Variants in TENM3 observed in about 807,000 individuals in gnomAD.
The protein encoded by TENM3 is teneurin-3.
A neutral mutation model predicts 255.1 loss-of-function variants in TENM3; 63 were observed. The observed-to-expected ratio is 0.25, with a 90% CI of 0.20 to 0.30. The LOEUF is 0.30. Ranked by LOEUF, TENM3 falls within the 10% of genes least tolerant of loss-of-function variation. The pLI is 1.00. For synonymous variants in TENM3, 1,306 were observed against 1,322.3 expected (o/e 0.99, Z 0.27); for missense variants, 2,929 against 3,461.1 (o/e 0.85, Z 3.86).
chr4:182,242,489 G>T (rs62354182), upstream of TENM3, among the ~76,000 whole-genome samples: 1 of 151,952 alleles, frequency 6.6e-6, no homozygotes, highest in African/African-American at 2.4e-5. Flanking sequence ...GGCCCAGCAC[G>T]GTGGCTCATG....
the TENM3 span, among the ~76,000 whole-genome samples, chr4:181,938,737 T>A: frequency 2.0e-5 from 3 of 152,206 alleles, no homozygotes; most frequent in African/African-American, 7.2e-5. Flanking sequence ...GAGAATTAGG[T>A]ACACAATTTG....
chr4:181,792,256 C>T, the TENM3 span, among the ~76,000 whole-genome samples: 10 of 152,120 alleles, frequency 6.6e-5, no homozygotes, highest in Admixed American at 2.6e-4. Flanking sequence ...AAAAATATCT[C>T]GACTGCTTGT....
chr4:181,876,671 T>G, the TENM3 span, among the ~76,000 whole-genome samples: 12 of 152,198 alleles, frequency 7.9e-5, no homozygotes, highest in Non-Finnish European at 1.5e-4. Flanking sequence ...TTTCATCAGC[T>G]GCCGGAAGGA....
the TENM3 span, among the ~76,000 whole-genome samples, chr4:181,493,478 C>A: frequency 6.6e-6 from 1 of 152,050 alleles, no homozygotes; most frequent in Non-Finnish European, 1.5e-5. Context: ...AACCTGTAAT[C>A]CCAGCACTTT....
chr4:182,318,866 C>T (rs1228307184), intron 1 of TENM3, among the ~76,000 whole-genome samples: 1 of 152,136 alleles, frequency 6.6e-6, no homozygotes, highest in African/African-American at 2.4e-5. Context: ...GTCCTGGGCT[C>T]AAGCGATCCC....
intron 3 of TENM3, among the ~76,000 whole-genome samples, chr4:182,415,037 T>C (rs1266755664): frequency 6.6e-6 from 1 of 152,248 alleles, no homozygotes; most frequent in African/African-American, 2.4e-5. Flanking sequence ...TTTTCCACCT[T>C]GAACACTAAT....
chr4:181,720,067 C>T, the TENM3 span, among the ~76,000 whole-genome samples: 1 of 152,178 alleles, frequency 6.6e-6, no homozygotes, highest in African/African-American at 2.4e-5. Context: ...CTTTGTGAAG[C>T]TGGATCATAT....
intron 13 of TENM3, among the ~76,000 whole-genome samples, chr4:182,726,335 C>T (rs1381579074): frequency 3.6e-5 from 4 of 111,144 alleles, no homozygotes; most frequent in Admixed American, 9.0e-5. Context: ...AAAGGGAATA[C>T]GTTTCTATAA....
intron 22 of TENM3, among the ~76,000 whole-genome samples, chr4:182,763,878 AT>A (rs566778629): frequency 2.6e-5 from 4 of 152,314 alleles, no homozygotes; most frequent in African/African-American, 9.6e-5. Flanking sequence ...ATGCCCAGGA[AT>A]TTATCTTTAT....
the TENM3 span, chr4:182,079,861 A>T: frequency 6.6e-6 from 1 of 152,300 alleles, no homozygotes; most frequent in Non-Finnish European, 1.5e-5. Context: ...ATGTCACTTC[A>T]CCTTTTACCC....
rs768822342 is a variant in TENM3 at position 182,346,992 on chromosome 4, C to CCG, written c.511+66_511+67dup. 1.2e-4 allele frequency: 121 copies of CCG among 1,010,440 alleles called. 4 individuals are homozygous for CCG. The highest frequency in any genetic ancestry group is 1.5e-4 in the Non-Finnish European group (115 of 776,182). 62.6% of individuals were successfully genotyped at this position (1,010,440 alleles called of 1,614,324 possible). On this transcript the variant is annotated intron_variant, in intron 3 of 27. Transcript: ENST00000511685. Reference sequence around the variant, plus strand: ...GTGCTTCTGTCTGTTTTGGTTGACTCCGCGGGGGGGGATGTTTTTCTTTCT... The same window carrying CCG: ...GTGCTTCTGTCTGTTTTGGTTGACTCCGCGCGGGGGGGGATGTTTTTCTTTCT...
At chr4:181,867,441 C>A in the TENM3 span, among the ~76,000 whole-genome samples, 5 of 152,146 alleles carry the variant, frequency 3.3e-5, no homozygotes, top group Non-Finnish European at 5.9e-5. Flanking sequence ...TTGGAAGTCA[C>A]CTCTTCTGCC....
At chr4:181,678,434 G>A in the TENM3 span, among the ~76,000 whole-genome samples, 5 of 152,038 alleles carry the variant, frequency 3.3e-5, no homozygotes, top group African/African-American at 9.6e-5. Context: ...GAGGCAACGG[G>A]GAAGGCAAGA....
chr4:181,701,199 A>G, the TENM3 span, among the ~76,000 whole-genome samples: 2 of 152,218 alleles, frequency 1.3e-5, no homozygotes, highest in African/African-American at 2.4e-5. Context: ...TCTCCCACCA[A>G]GGAGACTGGC....
At chr4:182,015,876 C>T in the TENM3 span, among the ~76,000 whole-genome samples, 1 of 152,174 alleles carries the variant, frequency 6.6e-6, no homozygotes, top group Non-Finnish European at 1.5e-5. Flanking sequence ...TGACCCTCCT[C>T]ATCGTACTTT....
intron 3 of TENM3, among the ~76,000 whole-genome samples, chr4:182,555,339 A>T (rs559892404): frequency 1.6e-4 from 24 of 152,294 alleles, no homozygotes; most frequent in African/African-American, 5.8e-4. Flanking sequence ...ATGAACTGTA[A>T]TACTATGTAA....
intron 12 of TENM3, among the ~76,000 whole-genome samples, chr4:182,691,183 A>C (rs571339481): frequency 2.0e-5 from 3 of 151,998 alleles, no homozygotes; most frequent in Non-Finnish European, 4.4e-5. Flanking sequence ...CACCCAGGAA[A>C]CTCTGGTGTG....
the TENM3 span, among the ~76,000 whole-genome samples, chr4:181,799,275 T>G: frequency 4.6e-5 from 7 of 152,220 alleles, no homozygotes; most frequent in Non-Finnish European, 8.8e-5. Flanking sequence ...AATAAATACA[T>G]GTTGCCATTT....
chr4:182,194,448 GAA>G (rs1554029516), intron 1 of TENM3, among the ~76,000 whole-genome samples: 2 of 152,050 alleles, frequency 1.3e-5, no homozygotes, highest in Non-Finnish European at 2.9e-5. Context: ...TTGAGAAAGA[GAA>G]AAACATCTTT....
Sources: gnomAD v4.1 joint callset for allele counts (sites outside exome capture counted in the v4.1 genomes callset) on GRCh38, gnomAD v4.1.1 for gene constraint, MANE v1.5 for transcripts, NCBI Gene and HGNC (gene_info 2026-07-23, HGNC 2026-07-21) for gene names.